Variants in SAMD12 observed in about 807,000 individuals in gnomAD.
SAMD12 encodes sterile alpha motif domain-containing protein 12.
SAMD12 carries 9 observed loss-of-function variants against 15.0 expected under a neutral mutation model. That is an observed-to-expected ratio of 0.60 (90% CI 0.36 to 1.05). The LOEUF (loss-of-function observed/expected upper bound fraction) is 1.05, where lower values mean the gene tolerates loss of function less well. Among genes scored for constraint, SAMD12 ranks in the 50% least tolerant of loss-of-function variants. The pLI is 0.01. For synonymous variants in SAMD12, 86 were observed against 90.1 expected (o/e 0.96, Z 0.25); for missense variants, 230 against 234.2 (o/e 0.98, Z 0.12).
chr8:118,317,095 G>A (rs1438726355), intron 4 of SAMD12, among the ~76,000 whole-genome samples: 1 of 152,124 alleles, frequency 6.6e-6, no homozygotes, highest in South Asian at 2.1e-4. Context: ...AGGACACAGG[G>A]AGAAGACAGC....
intron 2 of SAMD12, among the ~76,000 whole-genome samples, chr8:118,541,174 A>G (rs1825974474): frequency 6.6e-6 from 1 of 152,224 alleles, no homozygotes; most frequent in Non-Finnish European, 1.5e-5. Context: ...CCCAGGAAGT[A>G]GATAGCTAGT....
chr8:118,284,725 G>A (rs1464584716), intron 4 of SAMD12: 18 of 171,744 alleles, frequency 1.0e-4, no homozygotes, highest in African/African-American at 3.4e-4. Flanking sequence ...GGCAGATCAC[G>A]AGGTCAGGAG....
At chr8:118,139,316 C>T in the SAMD12 span, among the ~76,000 whole-genome samples, 1 of 151,752 alleles carries the variant, frequency 6.6e-6, no homozygotes, top group Non-Finnish European at 1.5e-5. Flanking sequence ...ATTTCTCATT[C>T]ACTCAATGAA....
chr8:118,215,982 T>G (rs1046745321), intron 4 of SAMD12, among the ~76,000 whole-genome samples: 12 of 151,066 alleles, frequency 7.9e-5, no homozygotes, highest in African/African-American at 2.9e-4. Context: ...ATATACCCAG[T>G]AATGGGATGG....
chr8:118,404,592 T>C (rs1378748265), intron 3 of SAMD12, among the ~76,000 whole-genome samples: 1 of 152,156 alleles, frequency 6.6e-6, no homozygotes, highest in Non-Finnish European at 1.5e-5. Context: ...TATTAAAAAG[T>C]TTAAGTAGTG....
intron 4 of SAMD12, among the ~76,000 whole-genome samples, chr8:118,318,329 T>TATATATATATATAC (rs1563758945): frequency 5.3e-5 from 4 of 76,144 alleles, no homozygotes; most frequent in Non-Finnish European, 1.2e-4. Context: ...TATATATATA[T>TATATATATATATAC]ATATATATAT....
chr8:118,148,443 C>A, the SAMD12 span, among the ~76,000 whole-genome samples: 3 of 152,020 alleles, frequency 2.0e-5, no homozygotes, highest in East Asian at 3.9e-4. Context: ...TTGACATTAA[C>A]AAATATATAT....
intron 4 of SAMD12, among the ~76,000 whole-genome samples, chr8:118,292,349 G>GACACACATACACACACACACACAC (rs111807707): frequency 5.1e-5 from 7 of 137,720 alleles, no homozygotes; most frequent in African/African-American, 1.9e-4. Flanking sequence ...CAAACACACA[G>GACACACATACACACACACACACAC]ACACACACAC....
At chr8:118,440,270 T>C (rs1414509098) in intron 2 of SAMD12, among the ~76,000 whole-genome samples, 1 of 152,036 alleles carries the variant, frequency 6.6e-6, no homozygotes, top group Non-Finnish European at 1.5e-5. Context: ...AAGCAATTAA[T>C]TACATTAAAG....
chr8:118,294,209 C>T (rs1286826005), intron 4 of SAMD12, among the ~76,000 whole-genome samples: 1 of 152,174 alleles, frequency 6.6e-6, no homozygotes, highest in Non-Finnish European at 1.5e-5. Context: ...GCCCTTCCTT[C>T]CACACTGACA....
intron 4 of SAMD12, among the ~76,000 whole-genome samples, chr8:118,247,567 A>T (rs1392652705): frequency 1.3e-5 from 2 of 151,786 alleles, no homozygotes; most frequent in Non-Finnish European, 2.9e-5. Context: ...AATAAAAAAA[A>T]CTTTAAAAAT....
At chr8:118,619,195 A>G (rs766790331) in intron 1 of SAMD12, among the ~76,000 whole-genome samples, 1 of 152,114 alleles carries the variant, frequency 6.6e-6, no homozygotes, top group Non-Finnish European at 1.5e-5. Flanking sequence ...AAACTGTTCT[A>G]AAAGATTTTT....
At chr8:118,447,301 CT>C (rs200509368) in intron 2 of SAMD12, among the ~76,000 whole-genome samples, 116 of 146,010 alleles carry the variant, frequency 7.9e-4, no homozygotes, top group East Asian at 3.0e-3. Flanking sequence ...CAGTTGAAAT[CT>C]TTTTTTTTTT....
intron 2 of SAMD12, among the ~76,000 whole-genome samples, chr8:118,554,172 C>T (rs1468318532): frequency 6.6e-6 from 1 of 152,170 alleles, no homozygotes; most frequent in Non-Finnish European, 1.5e-5. Flanking sequence ...ACCCAGACAT[C>T]CCATTACTGG....
At chr8:118,221,049 GA>G (rs1280926668) in intron 4 of SAMD12, among the ~76,000 whole-genome samples, 1 of 152,104 alleles carries the variant, frequency 6.6e-6, no homozygotes, top group East Asian at 1.9e-4. Flanking sequence ...AAAACTTCTT[GA>G]AGTTAAATTA....
chr8:118,208,370 C>T (rs192017273), intron 4 of SAMD12, among the ~76,000 whole-genome samples: 10 of 152,358 alleles, frequency 6.6e-5, no homozygotes, highest in East Asian at 3.9e-4. Context: ...TTAAACAGTG[C>T]TTCTCAAATT....
At chr8:118,445,287 GAATT>G (rs1356837408) in intron 2 of SAMD12, among the ~76,000 whole-genome samples, 1 of 152,154 alleles carries the variant, frequency 6.6e-6, no homozygotes, top group Non-Finnish European at 1.5e-5. Context: ...CTTGATATAT[GAATT>G]AATTAATTTT....
the SAMD12 span, among the ~76,000 whole-genome samples, chr8:118,179,054 C>G: frequency 1.3e-5 from 2 of 152,166 alleles, no homozygotes; most frequent in Non-Finnish European, 2.9e-5. Context: ...CCACAGGACT[C>G]CCTCCTCCCA....
intron 2 of SAMD12, among the ~76,000 whole-genome samples, chr8:118,473,516 T>C (rs60577654): frequency 0.014 from 2,171 of 152,316 alleles, 49 homozygotes; most frequent in African/African-American, 0.048. Flanking sequence ...CTTCATTTTC[T>C]GGATTTGCTG....
Sources: allele counts gnomAD v4.1 joint callset (sites outside exome capture counted in the v4.1 genomes callset), GRCh38; gene constraint gnomAD v4.1.1; transcripts MANE v1.5; gene names NCBI Gene and HGNC (gene_info 2026-07-23, HGNC 2026-07-21).